The following TEAD1 variants were observed in gnomAD, a reference collection of about 807,000 sequenced individuals.
TEAD1 encodes TEA domain transcription factor 1.
In TEAD1, 9 loss-of-function variants were observed where a neutral mutation model predicts 54.9. The observed-to-expected ratio is 0.16, with a 90% CI of 0.10 to 0.29. The LOEUF (loss-of-function observed/expected upper bound fraction) is 0.29, where lower values mean the gene tolerates loss of function less well. Ranked by LOEUF, TEAD1 falls within the 10% of genes least tolerant of loss-of-function variation. The pLI is 1.00. For synonymous variants in TEAD1, 200 were observed against 187.8 expected (o/e 1.07, Z -0.53); for missense variants, 387 against 535.9 (o/e 0.72, Z 2.74).
At chr11:12,704,126 G>A (rs75378973) in intron 2 of TEAD1, among the ~76,000 whole-genome samples, 5,132 of 152,236 alleles carry the variant, frequency 0.034, 264 homozygotes, top group African/African-American at 0.12. Context: ...CTGAGTTGGC[G>A]TTGTGTTTGG....
chr11:12,864,761 T>G, intron 4 of TEAD1, 77 bp from the exon 5 acceptor site: 1 of 1,612,808 alleles, frequency 6.2e-7, no homozygotes, highest in South Asian at 1.1e-5. Context: ...ACGTCTGGCT[T>G]GCCCACTTGT....
chr11:12,881,920 C>T lies in TEAD1; in HGVS notation c.537C>T (p.Ala179=). The change falls in exon 8 of 13, where the codon GCC becomes GCT. Residue 179 remains alanine, a synonymous_variant. Coordinates refer to ENST00000527636, the MANE Select transcript of TEAD1 (RefSeq NM_021961.6). Reference sequence around the variant, plus strand: ...GCGTCAAGCCTTTTGTGCAGCAGGCCTACCCCATCCAGCCAGCGGTCACAG... The same window carrying T: ...GCGTCAAGCCTTTTGTGCAGCAGGCTTACCCCATCCAGCCAGCGGTCACAG... The T allele has an allele frequency of 6.2e-7, 1 of 1,614,222 alleles. No homozygotes were observed. The highest frequency in any genetic ancestry group is 8.5e-7 in the Non-Finnish European group (1 of 1,180,038).
intron 2 of TEAD1, among the ~76,000 whole-genome samples, chr11:12,738,910 A>T (rs1313302855): frequency 6.6e-6 from 1 of 152,108 alleles, no homozygotes; most frequent in Non-Finnish European, 1.5e-5. Flanking sequence ...CACTGGGGAG[A>T]TAGACTTGTT....
In TEAD1 at chr11:12,780,722, G is replaced by T. The variant is rs1945524533; in HGVS notation, c.202+16288G>T. Among the ~76,000 whole-genome samples, 4 of 152,276 alleles carry T rather than the reference G, an allele frequency of 2.6e-5. No homozygotes were observed. The South Asian group carries it at 8.3e-4, about 32-fold the overall frequency. On this transcript the variant is annotated intron_variant, in intron 3 of 12. Transcript: ENST00000527636. Reference sequence around the variant, plus strand: ...ATAAATTAAATAACCGAATAAATTGGAAGACATTCTGTGTTCATGGGTTGG... The same window carrying T: ...ATAAATTAAATAACCGAATAAATTGTAAGACATTCTGTGTTCATGGGTTGG...
At chr11:12,924,291 T>A (rs938257361) in intron 10 of TEAD1, among the ~76,000 whole-genome samples, 7 of 152,228 alleles carry the variant, frequency 4.6e-5, no homozygotes, top group African/African-American at 1.7e-4. Context: ...ATGGTACTTA[T>A]TTTCTATCTG....
At position 12,938,723 on chromosome 11, in the gene TEAD1, C is replaced by T. The variant is rs1431398881; in HGVS notation, c.*1501C>T. On this transcript the variant is annotated 3_prime_UTR_variant, in exon 13 of 13. Transcript: ENST00000527636. ...CCAATCTAAGTATTCCAGAGCATTG[C>T]CCAGGCAGAGTTGGTTTGATGTGGC... 2 of 152,252 alleles carry T rather than the reference C, an allele frequency of 1.3e-5. No individual in the cohort carries two copies. The highest frequency in any genetic ancestry group is 2.9e-5 in the Non-Finnish European group (2 of 68,054). 9.4% of individuals were successfully genotyped at this position (152,252 alleles called of 1,614,324 possible).
At chr11:12,827,895 A>C (rs919889920) in intron 3 of TEAD1, among the ~76,000 whole-genome samples, 1 of 152,230 alleles carries the variant, frequency 6.6e-6, no homozygotes, top group Non-Finnish European at 1.5e-5. Flanking sequence ...GCTCAAATGG[A>C]TGCTTTTGTC....
intron 3 of TEAD1, among the ~76,000 whole-genome samples, chr11:12,855,787 A>G (rs1411344714): frequency 6.6e-6 from 1 of 151,906 alleles, no homozygotes; most frequent in Non-Finnish European, 1.5e-5. Flanking sequence ...TCTACAAAAA[A>G]AAAATTTAAG....
At chr11:12,787,336 G>A (rs183008403) in intron 3 of TEAD1, among the ~76,000 whole-genome samples, 7 of 152,310 alleles carry the variant, frequency 4.6e-5, no homozygotes, top group African/African-American at 1.7e-4. Flanking sequence ...GGAAGGATAT[G>A]TTGCAGTTAT....
At chr11:12,853,505 A>G (rs973180482) in intron 3 of TEAD1, among the ~76,000 whole-genome samples, 9 of 152,366 alleles carry the variant, frequency 5.9e-5, no homozygotes, top group Middle Eastern at 3.4e-3. Flanking sequence ...AGGCTAGTCA[A>G]ACTACTCATT....
At position 12,883,058 on chromosome 11, in the gene TEAD1, T is replaced by C. The variant is rs771210727; in HGVS notation, c.632T>C (p.Ile211Thr). The C allele has an allele frequency of 5.0e-6, 8 of 1,614,050 alleles. No homozygotes were observed. In the African/African-American group the frequency reaches 6.7e-5, roughly 13 times the overall value. ...GTCCCTGCCTGGCAAGGTCGCTCCA[T>C]TGGCACAACCAAGCTTCGCCTGGTG... The change falls in exon 9 of 13, where the codon ATT (isoleucine) becomes ACT (threonine). Residue 211 changes from isoleucine (I) to threonine (T), a missense_variant. By Grantham distance (89) the Ile-to-Thr change is moderately conservative. Coordinates refer to ENST00000527636, the MANE Select transcript of TEAD1 (RefSeq NM_021961.6).
chr11:12,798,556 C>G (rs1162838485), intron 3 of TEAD1, among the ~76,000 whole-genome samples: 2 of 152,156 alleles, frequency 1.3e-5, no homozygotes, highest in Non-Finnish European at 2.9e-5. Context: ...AATTCAGTGC[C>G]TGTGGTCAAG....
chr11:12,680,593 A>C (rs1007475843), intron 2 of TEAD1, among the ~76,000 whole-genome samples: 43 of 152,142 alleles, frequency 2.8e-4, no homozygotes, highest in Non-Finnish European at 5.6e-4. Flanking sequence ...TCTGAAGTTG[A>C]CATCTGGTTT....
At chr11:12,677,725 A>G (rs1212276761) in intron 2 of TEAD1, among the ~76,000 whole-genome samples, 1 of 152,218 alleles carries the variant, frequency 6.6e-6, no homozygotes, top group African/African-American at 2.4e-5. Context: ...AGTTTAAAGC[A>G]TGTAGATCCC....
At chr11:12,715,434 G>A (rs1303731379) in intron 2 of TEAD1, among the ~76,000 whole-genome samples, 3 of 152,186 alleles carry the variant, frequency 2.0e-5, no homozygotes, top group African/African-American at 7.2e-5. Flanking sequence ...GGCTGGGCAA[G>A]GAGAGGCTGT....
chr11:12,785,778 C>T (rs552585036), intron 3 of TEAD1, among the ~76,000 whole-genome samples: 1 of 152,246 alleles, frequency 6.6e-6, no homozygotes, highest in East Asian at 1.9e-4. Flanking sequence ...AGATGGAAAA[C>T]CTGGGAATAA....
intron 2 of TEAD1, among the ~76,000 whole-genome samples, chr11:12,760,511 T>C (rs924469235): frequency 2.0e-5 from 3 of 152,178 alleles, no homozygotes; most frequent in Non-Finnish European, 4.4e-5. Flanking sequence ...CTGTGTTCTT[T>C]ATTTACTGAA....
intron 2 of TEAD1, among the ~76,000 whole-genome samples, chr11:12,742,159 G>A (rs1944662231): frequency 6.6e-6 from 1 of 152,160 alleles, no homozygotes; most frequent in Non-Finnish European, 1.5e-5. Context: ...TCTAGTGATG[G>A]GAGGCTTACT....
At chr11:12,769,495 A>G (rs376393738) in intron 3 of TEAD1, among the ~76,000 whole-genome samples, 3 of 152,190 alleles carry the variant, frequency 2.0e-5, no homozygotes, top group East Asian at 1.9e-4. Context: ...CTCTGGATGC[A>G]GAGGACTGGT....
Sources: gnomAD v4.1 joint callset for allele counts (sites outside exome capture counted in the v4.1 genomes callset) on GRCh38, gnomAD v4.1.1 for gene constraint, MANE v1.5 for transcripts, NCBI Gene and HGNC (gene_info 2026-07-23, HGNC 2026-07-21) for gene names.